Variants in ABHD17B observed in about 807,000 individuals in gnomAD.
ABHD17B encodes alpha/beta hydrolase domain-containing protein 17B.
A neutral mutation model predicts 26.2 loss-of-function variants in ABHD17B; 9 were observed. The observed-to-expected ratio is 0.34, with a 90% CI of 0.21 to 0.60. The LOEUF is 0.60. Among genes scored for constraint, ABHD17B ranks in the 20% least tolerant of loss-of-function variants. ABHD17B has a pLI of 0.80. For synonymous variants in ABHD17B, 127 were observed against 122.3 expected, an observed-to-expected ratio of 1.04 and a Z score of -0.25; for missense variants, 224 against 352.1, an observed-to-expected ratio of 0.64 and a Z score of 2.91.
At chr9:71,881,583 C>T (rs1040239590) in intron 1 of ABHD17B, among the ~76,000 whole-genome samples, 1 of 152,150 alleles carries the variant, frequency 6.6e-6, no homozygotes, top group Non-Finnish European at 1.5e-5. Context: ...ATAACCTTTA[C>T]AATTCAACAA....
chr9:71,884,600 T>C (rs1826549488), intron 1 of ABHD17B, among the ~76,000 whole-genome samples: 1 of 151,570 alleles, frequency 6.6e-6, no homozygotes, highest in Admixed American at 6.6e-5. Context: ...GAGTATATGC[T>C]TACCAAAGGG....
chr9:71,868,389 G>A (rs1345433788), intron 3 of ABHD17B, among the ~76,000 whole-genome samples: 5 of 152,160 alleles, frequency 3.3e-5, no homozygotes, highest in African/African-American at 1.2e-4. Context: ...TATCAGACAT[G>A]AGAGGAGAAC....
chr9:71,890,906 C>T (rs1342771887), intron 1 of ABHD17B, among the ~76,000 whole-genome samples: 13 of 152,140 alleles, frequency 8.5e-5, no homozygotes, highest in Admixed American at 8.5e-4. Context: ...TGGGTTAGTT[C>T]ACAGCCCAGT....
chr9:71,871,617 T>C (rs780217109), intron 2 of ABHD17B, among the ~76,000 whole-genome samples: 1 of 152,150 alleles, frequency 6.6e-6, no homozygotes, highest in Non-Finnish European at 1.5e-5. Context: ...TGCTCAAGGA[T>C]AGAGTCGCAG....
At chr9:71,902,515 T>C (rs1253471524) in intron 1 of ABHD17B, 1 of 150,860 alleles carries the variant, frequency 6.6e-6, no homozygotes, top group Non-Finnish European at 1.5e-5. Context: ...TGTAGCAGGT[T>C]GTTATCAATT....
intron 1 of ABHD17B, among the ~76,000 whole-genome samples, chr9:71,897,471 G>A (rs1270892456): frequency 6.6e-6 from 1 of 152,202 alleles, no homozygotes; most frequent in East Asian, 1.9e-4. Context: ...AGCCATGATC[G>A]TGCCACTGCA....
chr9:71,868,333 G>T (rs923739969), intron 3 of ABHD17B, among the ~76,000 whole-genome samples: 2 of 152,176 alleles, frequency 1.3e-5, no homozygotes, highest in African/African-American at 4.8e-5. Context: ...TAAGAGTAAA[G>T]AGTTGATCAG....
intron 1 of ABHD17B, among the ~76,000 whole-genome samples, chr9:71,894,498 C>T (rs753431227): frequency 5.9e-5 from 9 of 152,160 alleles, no homozygotes; most frequent in Admixed American, 1.3e-4. Flanking sequence ...TGCCCCGCCA[C>T]GACACCCAGC....
chr9:71,898,902 C>T (rs556566856), intron 1 of ABHD17B, among the ~76,000 whole-genome samples: 57 of 152,228 alleles, frequency 3.7e-4, no homozygotes, highest in African/African-American at 1.3e-3. Context: ...GTGGATGGAT[C>T]ACCTGAGGTC....
chr9:71,878,157 G>C (rs928211334), intron 1 of ABHD17B, among the ~76,000 whole-genome samples: 49 of 151,802 alleles, frequency 3.2e-4, no homozygotes, highest in African/African-American at 1.1e-3. Flanking sequence ...AAAAATCACT[G>C]AAATAGCTTG....
At chr9:71,901,521 AT>A (rs1489304261) in intron 1 of ABHD17B, among the ~76,000 whole-genome samples, 1 of 151,996 alleles carries the variant, frequency 6.6e-6, no homozygotes, top group Non-Finnish European at 1.5e-5. Context: ...TAACCTATTT[AT>A]TTATTTTTAT....
chr9:71,872,439 G>C (rs2132132341), intron 2 of ABHD17B, among the ~76,000 whole-genome samples: 1 of 152,178 alleles, frequency 6.6e-6, no homozygotes, highest in South Asian at 2.1e-4. Flanking sequence ...GAAAAAAACA[G>C]TAAAGTTGAC....
At chr9:71,886,032 A>C (rs1208296729) in intron 1 of ABHD17B, among the ~76,000 whole-genome samples, 1 of 152,188 alleles carries the variant, frequency 6.6e-6, no homozygotes, top group Non-Finnish European at 1.5e-5. Flanking sequence ...TATGTGATAA[A>C]CCATTTAAAT....
intron 1 of ABHD17B, among the ~76,000 whole-genome samples, chr9:71,894,756 T>C (rs1326354295): frequency 1.3e-5 from 2 of 152,032 alleles, no homozygotes; most frequent in Non-Finnish European, 2.9e-5. Flanking sequence ...GCCCAGAAAT[T>C]TGAAGCTGCA....
intron 1 of ABHD17B, among the ~76,000 whole-genome samples, chr9:71,906,657 A>G (rs1046059303): frequency 9.2e-5 from 14 of 152,092 alleles, no homozygotes; most frequent in Admixed American, 3.9e-4. Flanking sequence ...GTCTCTGTAA[A>G]AAATCTAAAA....
chr9:71,894,827 T>TA (rs879410907), intron 1 of ABHD17B, among the ~76,000 whole-genome samples: 149 of 144,764 alleles, frequency 1.0e-3, no homozygotes, highest in Middle Eastern at 7.0e-3. Context: ...ACACGTCTCC[T>TA]AAAAAAAAAA....
chr9:71,900,571 G>T (rs1411396533), intron 1 of ABHD17B, among the ~76,000 whole-genome samples: 1 of 144,114 alleles, frequency 6.9e-6, no homozygotes, highest in East Asian at 2.2e-4. Flanking sequence ...AGAATCGCTT[G>T]AATTCATGAG....
intron 1 of ABHD17B, among the ~76,000 whole-genome samples, chr9:71,880,282 C>T (rs980736941): frequency 6.6e-6 from 1 of 151,832 alleles, no homozygotes; most frequent in Non-Finnish European, 1.5e-5. Context: ...AACCTTTATC[C>T]CAAAACTTAG....
chr9:71,895,673 T>G (rs1321340018), intron 1 of ABHD17B, among the ~76,000 whole-genome samples: 2 of 152,236 alleles, frequency 1.3e-5, no homozygotes. Flanking sequence ...ACTTTCTTAT[T>G]AATATCTTCT....
Sources: gnomAD v4.1 joint callset for allele counts (sites outside exome capture counted in the v4.1 genomes callset) on GRCh38, gnomAD v4.1.1 for gene constraint, MANE v1.5 for transcripts, NCBI Gene and HGNC (gene_info 2026-07-23, HGNC 2026-07-21) for gene names.